COL4A1: variants seen among roughly 807,000 people sequenced by gnomAD.
COL4A1 encodes collagen type IV alpha 1 chain, also known as collagen alpha-1(IV) chain.
Under a neutral mutation model 216.6 loss-of-function variants are expected in COL4A1, and 40 were observed. That is an observed-to-expected ratio of 0.18 (90% confidence interval 0.14 to 0.24). COL4A1 has a LOEUF of 0.24. COL4A1 is among the 10% of genes least tolerant of loss of function. The probability of loss-of-function intolerance (pLI) is 1.00; values close to 1 mark genes in which losing one functional copy is unlikely to be tolerated. For missense variants in COL4A1, 1,628 were observed against 2,196.8 expected, an observed-to-expected ratio of 0.74 and a Z score of 5.18; for synonymous variants, 839 against 810.7, an observed-to-expected ratio of 1.03 and a Z score of -0.59.
At chr13:110,189,354 T>C (rs1223514266) in intron 24 of COL4A1, among the ~76,000 whole-genome samples, 1 of 152,204 alleles carries the variant, frequency 6.6e-6, no homozygotes, top group Non-Finnish European at 1.5e-5. Context: ...TGAGCCACCG[T>C]ACCCAGCAGT....
At chr13:110,306,688 G>A (rs1202374256) in intron 1 of COL4A1, among the ~76,000 whole-genome samples, 1 of 152,236 alleles carries the variant, frequency 6.6e-6, no homozygotes, top group Non-Finnish European at 1.5e-5. Context: ...CACAGCGCGG[G>A]CTGTTTCTCC....
At chr13:110,269,681 C>T (rs920354285) in intron 1 of COL4A1, among the ~76,000 whole-genome samples, 4 of 152,050 alleles carry the variant, frequency 2.6e-5, no homozygotes, top group African/African-American at 7.2e-5. Flanking sequence ...GCAACACAAA[C>T]GGCAGGCCCT....
At chr13:110,280,061 T>C (rs1460341049) in intron 1 of COL4A1, among the ~76,000 whole-genome samples, 5 of 152,270 alleles carry the variant, frequency 3.3e-5, no homozygotes, top group African/African-American at 9.6e-5. Flanking sequence ...TTTCTGTTTC[T>C]ATTGGCAATT....
intron 49 of COL4A1, among the ~76,000 whole-genome samples, chr13:110,155,736 C>T (rs940565327): frequency 1.3e-5 from 2 of 152,114 alleles, no homozygotes; most frequent in Admixed American, 6.5e-5. Flanking sequence ...CATGGAGAAA[C>T]GCTGTCTCTA....
At chr13:110,156,582 T>A (rs886386678) in intron 49 of COL4A1, among the ~76,000 whole-genome samples, 3 of 152,152 alleles carry the variant, frequency 2.0e-5, no homozygotes, top group Admixed American at 6.6e-5. Flanking sequence ...AGCTCAGCCT[T>A]GGGACTGCAC....
At chr13:110,164,741 T>C (rs1231805244) in intron 46 of COL4A1, 121 bp downstream of exon 46, 1 of 1,404,306 alleles carries the variant, frequency 7.1e-7, no homozygotes, top group African/African-American at 1.4e-5. Context: ...GAAACTCATA[T>C]TCATATGTGT....
intron 35 of COL4A1, 32 bp downstream of exon 35, chr13:110,176,594 G>A (rs887578844): frequency 6.2e-7 from 1 of 1,602,520 alleles, no homozygotes; most frequent in African/African-American, 1.3e-5. Flanking sequence ...CTGAGCCCTT[G>A]CCACACTGGG....
intron 32 of COL4A1, 61 bp from the exon 33 acceptor site, chr13:110,177,992 G>C: frequency 6.2e-7 from 1 of 1,613,802 alleles, no homozygotes. Flanking sequence ...AGTAAATGCT[G>C]AGTCATAAAA....
Position 110,179,308 on chromosome 13 carries a change from A to G in COL4A1, c.2307T>C (p.His769=). The change falls in exon 30 of 52, where the codon CAT becomes CAC. Residue 769 remains histidine (H), a synonymous_variant. Transcript: ENST00000375820. ...GAAGCCCAGGGGGTCCGATCGCTCCATGTTCTCCAGGAACGCCTGGTACCC... is the reference window on the plus strand; with the variant it reads ...GAAGCCCAGGGGGTCCGATCGCTCCGTGTTCTCCAGGAACGCCTGGTACCC... ...SIGVPGVPGE[H]GAIGPPGLQG... is the part of the protein sequence containing the mutation. 1 of 1,614,086 alleles carries G rather than the reference A, an allele frequency of 6.2e-7. No individual in the cohort carries two copies. The highest frequency in any genetic ancestry group is 8.5e-7 in the Non-Finnish European group (1 of 1,180,016).
intron 2 of COL4A1, among the ~76,000 whole-genome samples, chr13:110,219,934 A>G (rs890157020): frequency 8.2e-5 from 9 of 109,872 alleles, no homozygotes; most frequent in African/African-American, 1.4e-4. Context: ...ATGTATGTAT[A>G]TGTGTGTGTA....
intron 41 of COL4A1, among the ~76,000 whole-genome samples, chr13:110,171,839 G>C (rs1877656627): frequency 1.3e-5 from 2 of 152,240 alleles, no homozygotes; most frequent in African/African-American, 4.8e-5. Context: ...GCATTTGCAA[G>C]GGGCTCTGTG....
chr13:110,206,642 A>G, intron 15 of COL4A1, 23 bp downstream of exon 15: 1 of 1,613,554 alleles, frequency 6.2e-7, no homozygotes, highest in Non-Finnish European at 8.5e-7. Context: ...TTTTATGATA[A>G]AAGGACTTTG....
chr13:110,247,835 G>GTGTGTGTGTGTGA (rs765744265), intron 1 of COL4A1, among the ~76,000 whole-genome samples: 2 of 96,476 alleles, frequency 2.1e-5, no homozygotes, highest in African/African-American at 3.9e-5. Context: ...GTGTGTGTGT[G>GTGTGTGTGTGTGA]GCAGAGAGAG....
chr13:110,160,449 CAAAAA>C (rs71127918), intron 49 of COL4A1, among the ~76,000 whole-genome samples: 1 of 108,170 alleles, frequency 9.2e-6, no homozygotes. Context: ...GACTCCGTCT[CAAAAA>C]AAAAAAAAAA....
intron 1 of COL4A1, among the ~76,000 whole-genome samples, chr13:110,264,076 C>G (rs1028256183): frequency 6.6e-6 from 1 of 152,198 alleles, no homozygotes; most frequent in Non-Finnish European, 1.5e-5. Context: ...CTCTGAGACA[C>G]TGCTTTCCAA....
rs375706368 is a variant in COL4A1, at chr13:110,176,621, T to C, written c.2968+5A>G. 158 of 1,613,586 alleles carry C rather than the reference T, an allele frequency of 9.8e-5. No homozygotes were observed. Among genetic ancestry groups the C allele is most frequent in the Non-Finnish European group, 1.3e-4 (150 of 1,179,586 alleles). ...CACACTGGGGACCGGAGCTCCACAC[T>C]GTACCTGGCTGCCCAGGCTGTCCTG... is the stretch of plus-strand genomic sequence containing the variant. On this transcript the variant is annotated splice_donor_5th_base_variant and intron_variant, in intron 35 of 51. Transcript: ENST00000375820.
At chr13:110,271,728 G>A (rs1883252036) in intron 1 of COL4A1, among the ~76,000 whole-genome samples, 1 of 152,148 alleles carries the variant, frequency 6.6e-6, no homozygotes, top group Non-Finnish European at 1.5e-5. Context: ...AGACACCGAT[G>A]GGACAAAGGG....
intron 2 of COL4A1, among the ~76,000 whole-genome samples, chr13:110,237,684 T>C (rs907087771): frequency 6.6e-6 from 1 of 152,244 alleles, no homozygotes; most frequent in African/African-American, 2.4e-5. Context: ...TTTCTTGCTC[T>C]GACACTCACA....
intron 1 of COL4A1, among the ~76,000 whole-genome samples, chr13:110,270,527 A>G (rs1883206734): frequency 6.6e-6 from 1 of 152,206 alleles, no homozygotes; most frequent in African/African-American, 2.4e-5. Context: ...TTGTTCTCAC[A>G]ACAACCATTG....
Sources: gnomAD v4.1 joint callset for allele counts (sites outside exome capture counted in the v4.1 genomes callset) on GRCh38, gnomAD v4.1.1 for gene constraint, MANE v1.5 for transcripts, NCBI Gene and HGNC (gene_info 2026-07-23, HGNC 2026-07-21) for gene names.